SH3RF3: variants seen among roughly 807,000 people sequenced by gnomAD.
The protein encoded by SH3RF3 is SH3 domain containing ring finger 3.
In SH3RF3, 29 loss-of-function variants were observed where a neutral mutation model predicts 66.3. The ratio of observed to expected loss-of-function variants is 0.44; its 90% CI spans 0.33 to 0.60. The LOEUF (loss-of-function observed/expected upper bound fraction) is 0.60. Ranked by LOEUF, SH3RF3 falls within the 20% of genes least tolerant of loss-of-function variation. The pLI, the probability that SH3RF3 is intolerant of heterozygous loss-of-function variation, is 0.04. For missense variants in SH3RF3, 1,194 were observed against 1,190.9 expected (o/e 1.00, Z -0.04); for synonymous variants, 583 against 532.0 (o/e 1.10, Z -1.32).
intron 1 of SH3RF3, among the ~76,000 whole-genome samples, chr2:109,345,386 C>T (rs1682665677): frequency 6.6e-6 from 1 of 152,108 alleles, no homozygotes; most frequent in South Asian, 2.1e-4. Context: ...GGGAGTGCAG[C>T]GTGTAGGCAG....
chr2:109,191,185 G>A (rs992233515), intron 1 of SH3RF3, among the ~76,000 whole-genome samples: 9 of 152,164 alleles, frequency 5.9e-5, no homozygotes, highest in African/African-American at 2.2e-4. Flanking sequence ...GTAGGAGGAA[G>A]GATGCAGTGA....
At chr2:109,303,326 A>G (rs1485713017) in intron 1 of SH3RF3, among the ~76,000 whole-genome samples, 2 of 152,364 alleles carry the variant, frequency 1.3e-5, no homozygotes, top group East Asian at 3.9e-4. Context: ...TGCCTCTGGC[A>G]GGGTTAAGAC....
intron 1 of SH3RF3, among the ~76,000 whole-genome samples, chr2:109,201,285 A>T (rs1292318373): frequency 6.6e-6 from 1 of 152,180 alleles, no homozygotes; most frequent in Non-Finnish European, 1.5e-5. Context: ...GAAGCCTTTC[A>T]CAGACAGACC....
chr2:109,215,577 T>C (rs1679086196), intron 1 of SH3RF3, among the ~76,000 whole-genome samples: 1 of 152,132 alleles, frequency 6.6e-6, no homozygotes. Context: ...ATGTAGTTTT[T>C]TGCCTGTGAT....
intron 1 of SH3RF3, among the ~76,000 whole-genome samples, chr2:109,331,052 C>T (rs185603055): frequency 1.3e-5 from 2 of 152,164 alleles, no homozygotes; most frequent in Non-Finnish European, 2.9e-5. Context: ...GACTTTCACC[C>T]AAAATCTAAA....
chr2:109,312,740 G>A (rs1171374343), intron 1 of SH3RF3, among the ~76,000 whole-genome samples: 1 of 152,206 alleles, frequency 6.6e-6, no homozygotes, highest in Non-Finnish European at 1.5e-5. Context: ...CCCACTGTAT[G>A]GTATTTCCAC....
intron 7 of SH3RF3, among the ~76,000 whole-genome samples, chr2:109,443,028 T>A (rs919381074): frequency 6.6e-6 from 1 of 152,262 alleles, no homozygotes; most frequent in African/African-American, 2.4e-5. Context: ...TGGAACAAGT[T>A]ATACACATTC....
intron 8 of SH3RF3, among the ~76,000 whole-genome samples, chr2:109,480,852 G>A (rs1678817203): frequency 6.6e-6 from 1 of 152,184 alleles, no homozygotes; most frequent in African/African-American, 2.4e-5. Flanking sequence ...CTGTTCTCTA[G>A]CTTGGAGCTT....
At chr2:109,446,343 T>G (rs1236591952) in intron 7 of SH3RF3, among the ~76,000 whole-genome samples, 6 of 152,194 alleles carry the variant, frequency 3.9e-5, no homozygotes, top group Non-Finnish European at 4.4e-5. Context: ...CAGGGACCAT[T>G]GCGGGCGTTA....
intron 1 of SH3RF3, among the ~76,000 whole-genome samples, chr2:109,343,729 T>A (rs1042869673): frequency 6.7e-6 from 1 of 148,348 alleles, no homozygotes; most frequent in Non-Finnish European, 1.5e-5. Flanking sequence ...TCTGCCCTGC[T>A]CCTGCCCTGG....
intron 4 of SH3RF3, among the ~76,000 whole-genome samples, chr2:109,404,962 C>G (rs1676417063): frequency 6.6e-6 from 1 of 151,944 alleles, no homozygotes; most frequent in Non-Finnish European, 1.5e-5. Flanking sequence ...CCGTCCTGGC[C>G]CCTCCTGCCA....
intron 1 of SH3RF3, among the ~76,000 whole-genome samples, chr2:109,251,043 C>T (rs936737649): frequency 1.3e-5 from 2 of 151,720 alleles, no homozygotes; most frequent in African/African-American, 4.9e-5. Context: ...ACTCTGTCGC[C>T]CAGGCTGGAG....
chr2:109,287,857 T>C (rs1321545445), intron 1 of SH3RF3, among the ~76,000 whole-genome samples: 1 of 152,192 alleles, frequency 6.6e-6, no homozygotes, highest in Admixed American at 6.5e-5. Context: ...ACCCCACTCA[T>C]AGTCCTATAG....
chr2:109,376,146 CATTGCTGTGTTG>C (rs1221102273), intron 3 of SH3RF3, among the ~76,000 whole-genome samples: 3 of 152,234 alleles, frequency 2.0e-5, no homozygotes, highest in Admixed American at 6.5e-5. Flanking sequence ...CTCCTCGGTC[CATTGCTGTGTTG>C]ATTGAAGATC....
At chr2:109,173,961 T>A (rs1426230900) in intron 1 of SH3RF3, among the ~76,000 whole-genome samples, 9 of 152,258 alleles carry the variant, frequency 5.9e-5, no homozygotes, top group Admixed American at 5.9e-4. Context: ...GGGTTCAGGC[T>A]GTGGGCACTG....
intron 2 of SH3RF3, among the ~76,000 whole-genome samples, chr2:109,365,021 A>G (rs922948945): frequency 6.6e-6 from 1 of 151,680 alleles, no homozygotes; most frequent in Non-Finnish European, 1.5e-5. Context: ...ACTCTGTCTC[A>G]AAAAGAAACA....
chr2:109,143,068 G>A (rs1465651163), intron 1 of SH3RF3, among the ~76,000 whole-genome samples: 1 of 152,162 alleles, frequency 6.6e-6, no homozygotes, highest in African/African-American at 2.4e-5. Context: ...GTGTCCCTGA[G>A]CCCGGGAACC....
chr2:109,499,755 A>AG (rs1021275832), intron 9 of SH3RF3, among the ~76,000 whole-genome samples: 5 of 152,128 alleles, frequency 3.3e-5, no homozygotes, highest in African/African-American at 1.2e-4. Flanking sequence ...ATAGCAGAGC[A>AG]GGGGGGTGTG....
intron 1 of SH3RF3, among the ~76,000 whole-genome samples, chr2:109,217,940 G>A (rs1425556037): frequency 6.6e-6 from 1 of 152,192 alleles, no homozygotes; most frequent in Non-Finnish European, 1.5e-5. Context: ...GCTCAGCCAG[G>A]ACCTTTCCCT....
Sources: gnomAD v4.1 joint callset for allele counts (sites outside exome capture counted in the v4.1 genomes callset) on GRCh38, gnomAD v4.1.1 for gene constraint, MANE v1.5 for transcripts, NCBI Gene and HGNC (gene_info 2026-07-23, HGNC 2026-07-21) for gene names.